Variants in SPATA22 observed in about 807,000 individuals in gnomAD.
The protein encoded by SPATA22 is spermatogenesis-associated protein 22.
In SPATA22, 29 loss-of-function variants were observed where a neutral mutation model predicts 47.8. The ratio of observed to expected loss-of-function variants is 0.61; its 90% CI spans 0.45 to 0.83. The LOEUF is 0.83. Ranked by LOEUF, SPATA22 falls within the 40% of genes least tolerant of loss-of-function variation. SPATA22 has a pLI of 0.00. For synonymous variants in SPATA22, 133 were observed against 140.9 expected, an observed-to-expected ratio of 0.94 and a Z score of 0.40; for missense variants, 410 against 421.7, an observed-to-expected ratio of 0.97 and a Z score of 0.24.
Position 3,443,244 on chromosome 17 carries a change from C to T in SPATA22, c.830G>A (p.Gly277Asp), listed in dbSNP as rs139946072. ...LAVLDSAVTP[G>D]PYYSKTFLMR... ...AAGAAAAGTCTTCGAATAATATGGG[C>T]CAGGTGTAACAGCTGAATCAAGAAC... Residue 277 changes from glycine (G) to aspartate (D), a missense_variant, in exon 8 of 9, where the codon GGC becomes GAC. Gly to Asp is a moderately conservative substitution (Grantham distance 94). Transcript: ENST00000572969. The T allele has an allele frequency of 2.5e-6, 4 of 1,609,826 alleles. No homozygotes were observed. Among genetic ancestry groups the T allele is most frequent in the Non-Finnish European group, 3.4e-6 (4 of 1,177,768 alleles).
intron 1 of SPATA22, among the ~76,000 whole-genome samples, chr17:3,496,837 C>T (rs976050416): frequency 8.5e-5 from 13 of 152,268 alleles, no homozygotes; most frequent in African/African-American, 2.2e-4. Flanking sequence ...GAGGCCGAGG[C>T]GGGCGGATCA....
intron 1 of SPATA22, among the ~76,000 whole-genome samples, chr17:3,477,431 A>G (rs1597424112): frequency 6.6e-6 from 1 of 152,082 alleles, no homozygotes; most frequent in African/African-American, 2.4e-5. Flanking sequence ...ATGACTCCAC[A>G]TATTTGCTTT....
chr17:3,467,019 A>G (rs1302452448), intron 3 of SPATA22, among the ~76,000 whole-genome samples: 2 of 152,170 alleles, frequency 1.3e-5, no homozygotes, highest in African/African-American at 2.4e-5. Context: ...TGCACTTCCT[A>G]AAATCTATCT....
chr17:3,494,385 AAAAT>A (rs2073875861), intron 1 of SPATA22: 1 of 1,612,932 alleles, frequency 6.2e-7, no homozygotes, highest in East Asian at 2.2e-5. Context: ...TGAGGTCTAT[AAAAT>A]TATAGAGAAA....
chr17:3,440,393 A>AT, intron 8 of SPATA22, 55 bp from the exon 9 acceptor site: 14 of 1,415,446 alleles, frequency 9.9e-6, no homozygotes, highest in Non-Finnish European at 1.3e-5. Context: ...CTGAATTTCA[A>AT]TTTTTTAAAT....
chr17:3,469,329 CT>C lies in SPATA22; in HGVS notation c.-5del. The C allele has an allele frequency of 6.4e-7, 1 of 1,564,870 alleles. No homozygotes were observed. Among genetic ancestry groups the C allele is most frequent in the Non-Finnish European group, 8.7e-7 (1 of 1,152,104 alleles). ...TTTCATTTAGGCTTCGCTTCATTTC[CT>C]TCAATATCAAAATCTATAATTTTCT... On this transcript the variant is annotated 5_prime_UTR_variant, in exon 2 of 9. Coordinates refer to ENST00000572969, the MANE Select transcript of SPATA22 (RefSeq NM_001170698.2).
At chr17:3,472,886 C>T (rs1202312665), upstream of SPATA22, among the ~76,000 whole-genome samples, 3 of 151,966 alleles carry the variant, frequency 2.0e-5, no homozygotes, top group South Asian at 2.1e-4. Context: ...ACCTTGAATG[C>T]CAGAGTAAGG....
intron 2 of SPATA22, 82 bp from the exon 3 acceptor site, chr17:3,467,636 C>A: frequency 9.2e-7 from 1 of 1,084,782 alleles, no homozygotes; most frequent in South Asian, 2.2e-5. Context: ...GTATAATACA[C>A]ACTTTACATT....
upstream of SPATA22, chr17:3,476,055 T>C (rs886052822): frequency 9.2e-7 from 1 of 1,083,506 alleles, no homozygotes; most frequent in Non-Finnish European, 1.4e-6. Context: ...TACTTTGCCC[T>C]TTGGGTAAAG....
chr17:3,473,957 G>A (rs184586492), upstream of SPATA22: 15 of 152,246 alleles, frequency 9.9e-5, no homozygotes, highest in East Asian at 2.7e-3. Context: ...GTTTCACTTC[G>A]TATACTATCA....
At chr17:3,509,828 T>C (rs901447474) in intron 1 of SPATA22, among the ~76,000 whole-genome samples, 2 of 68,834 alleles carry the variant, frequency 2.9e-5, no homozygotes, top group African/African-American at 4.4e-5. Context: ...CCAGCATCTA[T>C]TGTTTCCTGA....
chr17:3,505,162 A>T (rs899159091), intron 1 of SPATA22, among the ~76,000 whole-genome samples: 1 of 152,190 alleles, frequency 6.6e-6, no homozygotes, highest in Non-Finnish European at 1.5e-5. Context: ...CTACTCTTAA[A>T]CATGACTCAG....
At chr17:3,441,366 T>A (rs2072594071) in intron 8 of SPATA22, 1 of 151,936 alleles carries the variant, frequency 6.6e-6, no homozygotes, top group Admixed American at 6.6e-5. Context: ...GCAAGATGCC[T>A]GAACAGACTT....
chr17:3,443,294 A>T, intron 7 of SPATA22, 23 bp from the exon 8 acceptor site: 4 of 1,519,798 alleles, frequency 2.6e-6, no homozygotes, highest in Non-Finnish European at 2.7e-6. Context: ...GAAATGGGGG[A>T]AAAAATGAAT....
At chr17:3,495,865 C>G (rs934131039) in intron 1 of SPATA22, among the ~76,000 whole-genome samples, 1 of 152,060 alleles carries the variant, frequency 6.6e-6, no homozygotes, top group African/African-American at 2.4e-5. Flanking sequence ...CCTTGCCCAG[C>G]CTTAAGCAGT....
At position 3,446,491 on chromosome 17, in the gene SPATA22, T is replaced by G; in HGVS notation, c.783A>C (p.Val261=). 27 of 1,606,234 alleles carry G rather than the reference T, an allele frequency of 1.7e-5. No homozygotes were observed. The highest frequency in any genetic ancestry group is 2.3e-5 in the Non-Finnish European group (27 of 1,177,458). The change falls in exon 7 of 9, where the codon GTA becomes GTC. Residue 261 remains valine, a synonymous_variant. Transcript: ENST00000572969. ...KYWREHAQKT[V]LLFEVLAVLD... is the part of the protein sequence containing the mutation. ...ACCTACCTAATACTTCAAAAAGAAG[T>G]ACAGTTTTCTGTGCATGTTCACGCC...
At chr17:3,487,557 A>T (rs2150752142) in intron 1 of SPATA22, among the ~76,000 whole-genome samples, 1 of 152,342 alleles carries the variant, frequency 6.6e-6, no homozygotes, top group Admixed American at 6.5e-5. Flanking sequence ...TTGGTGTCAC[A>T]GAGAAACAGG....
chr17:3,512,537 A>G lies in SPATA22; in HGVS notation c.-74+875T>C, dbSNP rs943473331. The G allele has an allele frequency of 2.6e-5, 4 of 152,180 alleles. No homozygotes were observed. Among genetic ancestry groups the G allele is most frequent in the Non-Finnish European group, 5.9e-5 (4 of 68,042 alleles). 9.4% of individuals were successfully genotyped at this position (152,180 alleles called of 1,614,324 possible). The stretch of plus-strand genomic sequence containing the variant: ...CAAATTTCTATTTCTGCCATTTAAG[A>G]TTAACATTTATGGTTACTATTTTTA... On this transcript the variant is annotated intron_variant, in intron 1 of 8. Transcript: ENST00000541913.
intron 1 of SPATA22, chr17:3,513,141 C>T (rs2074136429): frequency 1.3e-5 from 2 of 152,638 alleles, no homozygotes; most frequent in African/African-American, 2.4e-5. Flanking sequence ...ATAATACTTA[C>T]ATCCAGCCCC....
Sources: gnomAD v4.1 joint callset for allele counts (sites outside exome capture counted in the v4.1 genomes callset) on GRCh38, gnomAD v4.1.1 for gene constraint, MANE v1.5 for transcripts, NCBI Gene and HGNC (gene_info 2026-07-23, HGNC 2026-07-21) for gene names.